Variants in CNTNAP5 observed in about 807,000 individuals in gnomAD.
The protein encoded by CNTNAP5 is contactin associated protein family member 5.
A neutral mutation model predicts 150.2 loss-of-function variants in CNTNAP5; 72 were observed. The observed-to-expected ratio is 0.48, with a 90% CI of 0.40 to 0.58. CNTNAP5 has a LOEUF of 0.58. Among genes scored for constraint, CNTNAP5 ranks in the 20% least tolerant of loss-of-function variants. CNTNAP5 has a pLI of 0.00. For missense variants in CNTNAP5, 1,636 were observed against 1,626.2 expected (o/e 1.01, Z -0.10); for synonymous variants, 672 against 619.8 (o/e 1.08, Z -1.25).
chr2:124,314,418 G>A (rs1279496253), intron 3 of CNTNAP5, among the ~76,000 whole-genome samples: 1 of 152,106 alleles, frequency 6.6e-6, no homozygotes, highest in African/African-American at 2.4e-5. Context: ...CCCATATTTT[G>A]TCTTTGGGAG....
intron 19 of CNTNAP5, among the ~76,000 whole-genome samples, chr2:124,846,771 A>G (rs1394789864): frequency 1.3e-5 from 2 of 152,088 alleles, no homozygotes; most frequent in Non-Finnish European, 2.9e-5. Flanking sequence ...TTCTCCTTTG[A>G]TGGGGTGTTC....
intron 12 of CNTNAP5, among the ~76,000 whole-genome samples, chr2:124,639,518 CT>C (rs937081762): frequency 6.6e-6 from 1 of 152,130 alleles, no homozygotes; most frequent in Admixed American, 6.6e-5. Context: ...CTTTGGATAT[CT>C]CTTCAAAAGA....
chr2:124,738,728 CAAA>C (rs35823681), intron 13 of CNTNAP5, among the ~76,000 whole-genome samples: 2 of 130,084 alleles, frequency 1.5e-5, no homozygotes, highest in African/African-American at 2.9e-5. Context: ...GAGACTCCAT[CAAA>C]AAAAAAAAAA....
chr2:124,617,626 A>G (rs1329974228), intron 12 of CNTNAP5, among the ~76,000 whole-genome samples: 1 of 152,134 alleles, frequency 6.6e-6, no homozygotes, highest in Non-Finnish European at 1.5e-5. Context: ...TAACTTGTTT[A>G]CGCCTGTAAA....
chr2:124,583,390 A>G (rs916969223), intron 11 of CNTNAP5, among the ~76,000 whole-genome samples: 5 of 152,204 alleles, frequency 3.3e-5, no homozygotes, highest in Admixed American at 6.5e-5. Flanking sequence ...CCACAGCATC[A>G]TTTCCCCTCA....
At chr2:124,631,892 A>T (rs573328494) in intron 12 of CNTNAP5, among the ~76,000 whole-genome samples, 24 of 152,202 alleles carry the variant, frequency 1.6e-4, no homozygotes, top group Non-Finnish European at 3.1e-4. Flanking sequence ...AAACCATTAA[A>T]AAGTGGGCAA....
intron 5 of CNTNAP5, among the ~76,000 whole-genome samples, chr2:124,435,514 T>G (rs1231610157): frequency 6.6e-6 from 1 of 151,740 alleles, no homozygotes; most frequent in African/African-American, 2.4e-5. Context: ...AGAGATAAGC[T>G]GAAAAAAAAA....
chr2:124,777,415 C>T (rs1415306327), intron 17 of CNTNAP5, among the ~76,000 whole-genome samples: 1 of 152,082 alleles, frequency 6.6e-6, no homozygotes, highest in Non-Finnish European at 1.5e-5. Context: ...CTCTCCATCG[C>T]CCAGGCTGGA....
intron 3 of CNTNAP5, among the ~76,000 whole-genome samples, chr2:124,388,087 G>A (rs750673055): frequency 1.2e-4 from 19 of 152,298 alleles, no homozygotes; most frequent in South Asian, 6.2e-4. Context: ...GTGTCTAGAG[G>A]ATGAAAAGAA....
intron 21 of CNTNAP5, among the ~76,000 whole-genome samples, chr2:124,898,714 C>T (rs1678357069): frequency 6.6e-6 from 1 of 151,402 alleles, no homozygotes; most frequent in African/African-American, 2.4e-5. Context: ...CCACAGCAAG[C>T]ATATTAGTAT....
intron 18 of CNTNAP5, among the ~76,000 whole-genome samples, chr2:124,793,768 T>C (rs984161782): frequency 6.6e-6 from 1 of 152,174 alleles, no homozygotes; most frequent in African/African-American, 2.4e-5. Context: ...TTTGTTGATG[T>C]GTGTTTGTTG....
At chr2:124,613,809 C>G (rs10194805) in intron 12 of CNTNAP5, among the ~76,000 whole-genome samples, 84,900 of 151,972 alleles carry the variant, frequency 0.56, 24,310 homozygotes, top group African/African-American at 0.6. Flanking sequence ...ATGTAAAAAG[C>G]CATAATCTCT....
chr2:124,877,224 G>A (rs10168923), intron 21 of CNTNAP5, among the ~76,000 whole-genome samples: 16,644 of 152,128 alleles, frequency 0.11, 2,959 homozygotes, highest in African/African-American at 0.38. Flanking sequence ...CTGCTCTGTA[G>A]AAGTTGTCTG....
At chr2:124,640,671 AGGTCGGGC>A (rs1468474682) in intron 12 of CNTNAP5, among the ~76,000 whole-genome samples, 1 of 152,142 alleles carries the variant, frequency 6.6e-6, no homozygotes, top group Non-Finnish European at 1.5e-5. Flanking sequence ...TTCCTTTTAA[AGGTCGGGC>A]GGGGGGAAGG....
chr2:124,288,394 C>G (rs1228368522), intron 3 of CNTNAP5, among the ~76,000 whole-genome samples: 1 of 152,170 alleles, frequency 6.6e-6, no homozygotes, highest in African/African-American at 2.4e-5. Flanking sequence ...ATTGAAAACT[C>G]TATACATGGG....
chr2:124,647,322 G>A (rs1172685240), intron 12 of CNTNAP5, among the ~76,000 whole-genome samples: 1 of 152,164 alleles, frequency 6.6e-6, no homozygotes, highest in Non-Finnish European at 1.5e-5. Flanking sequence ...ACATGCTAGT[G>A]TTTCTCTTGT....
intron 21 of CNTNAP5, 131 bp downstream of exon 21, chr2:124,869,893 G>T: frequency 2.1e-6 from 1 of 483,506 alleles, no homozygotes; most frequent in Non-Finnish European, 3.7e-6. Flanking sequence ...CTGAAACCAA[G>T]ATTTCTTATT....
chr2:124,303,857 C>A (rs184306754), intron 3 of CNTNAP5, among the ~76,000 whole-genome samples: 1 of 152,192 alleles, frequency 6.6e-6, no homozygotes, highest in Admixed American at 6.5e-5. Context: ...CATAGAAAGA[C>A]CCTGTCATTA....
At chr2:124,506,025 T>A (rs754441887) in intron 8 of CNTNAP5, among the ~76,000 whole-genome samples, 1 of 152,188 alleles carries the variant, frequency 6.6e-6, no homozygotes, top group South Asian at 2.1e-4. Flanking sequence ...GTAAAGGATA[T>A]GACTTAATAG....
Sources: gnomAD v4.1 joint callset for allele counts (sites outside exome capture counted in the v4.1 genomes callset) on GRCh38, gnomAD v4.1.1 for gene constraint, MANE v1.5 for transcripts, NCBI Gene and HGNC (gene_info 2026-07-23, HGNC 2026-07-21) for gene names.